Variants in SLC4A4 observed in about 807,000 individuals in gnomAD.
SLC4A4 encodes the protein electrogenic sodium bicarbonate cotransporter 1.
SLC4A4 carries 27 observed loss-of-function variants against 111.5 expected under a neutral mutation model. The observed-to-expected ratio is 0.24, with a 90% CI of 0.18 to 0.33. The LOEUF is 0.33. Among genes scored for constraint, SLC4A4 ranks in the 10% least tolerant of loss-of-function variants. The pLI, the probability that SLC4A4 is intolerant of heterozygous loss-of-function variation, is 1.00. For synonymous variants in SLC4A4, 443 were observed against 463.4 expected, an observed-to-expected ratio of 0.96 and a Z score of 0.57; for missense variants, 909 against 1,315.5, an observed-to-expected ratio of 0.69 and a Z score of 4.78.
At chr4:71,099,138 C>G (rs896294197) in intron 2 of SLC4A4, among the ~76,000 whole-genome samples, 19 of 152,266 alleles carry the variant, frequency 1.2e-4, no homozygotes, top group Admixed American at 1.2e-3. Context: ...CTCTCCACCC[C>G]TAAACAACAG....
chr4:71,156,727 T>A (rs1744490361), intron 2 of SLC4A4, among the ~76,000 whole-genome samples: 1 of 152,084 alleles, frequency 6.6e-6, no homozygotes, highest in Admixed American at 6.6e-5. Context: ...TTGAAACAAT[T>A]TGAGGCTTAC....
At chr4:71,468,574 T>G (rs1054880064) in intron 13 of SLC4A4, among the ~76,000 whole-genome samples, 2 of 152,048 alleles carry the variant, frequency 1.3e-5, no homozygotes, top group African/African-American at 4.8e-5. Context: ...ATCCATCACT[T>G]AGTAATATGT....
At chr4:71,354,639 G>T (rs1730123947) in intron 5 of SLC4A4, among the ~76,000 whole-genome samples, 1 of 151,822 alleles carries the variant, frequency 6.6e-6, no homozygotes, top group South Asian at 2.1e-4. Context: ...TCTGTCACAT[G>T]GCCATCATTC....
intron 16 of SLC4A4, among the ~76,000 whole-genome samples, chr4:71,511,630 T>C (rs908089458): frequency 6.6e-6 from 1 of 152,110 alleles, no homozygotes. Context: ...CAAAAGGTTA[T>C]AAGGGTATTA....
chr4:71,272,299 T>G (rs1722756452), intron 3 of SLC4A4, among the ~76,000 whole-genome samples: 1 of 152,198 alleles, frequency 6.6e-6, no homozygotes, highest in African/African-American at 2.4e-5. Context: ...TTGTTGTTAT[T>G]GAATATTAAG....
At chr4:71,268,279 C>G (rs1722449459) in intron 3 of SLC4A4, among the ~76,000 whole-genome samples, 2 of 152,066 alleles carry the variant, frequency 1.3e-5, no homozygotes, top group Non-Finnish European at 2.9e-5. Context: ...GCAATTCATT[C>G]TGGGTGAATA....
intron 1 of SLC4A4, among the ~76,000 whole-genome samples, chr4:71,088,313 G>T (rs1448391710): frequency 3.3e-5 from 5 of 151,656 alleles, no homozygotes; most frequent in Admixed American, 3.3e-4. Flanking sequence ...CACCTGAGGT[G>T]GGTTTCCTGA....
chr4:71,328,006 T>C (rs552820757), intron 3 of SLC4A4, among the ~76,000 whole-genome samples: 1 of 152,214 alleles, frequency 6.6e-6, no homozygotes, highest in African/African-American at 2.4e-5. Context: ...TAGTCTCTGG[T>C]AACCATCCTT....
chr4:71,323,104 G>A (rs1727244664), intron 3 of SLC4A4, among the ~76,000 whole-genome samples: 2 of 151,982 alleles, frequency 1.3e-5, no homozygotes, highest in Admixed American at 1.3e-4. Flanking sequence ...GTAAGGAAGT[G>A]TGTGGCACTA....
In SLC4A4 at chr4:71,066,544, A is replaced by G. The variant is rs74937592; in HGVS notation, c.-65+3756A>G. On this transcript the variant is annotated intron_variant, in intron 1 of 26. Coordinates refer to the SLC4A4 transcript ENST00000649996. ...AGAAAATAAGAAGTTTTTGATTCAT[A>G]CATAGCAGAAACAGTTCCAGAGAGG... 8.6e-3 allele frequency among the ~76,000 whole-genome samples: 1,317 copies of G among 152,316 alleles called. 20 individuals carry two copies. The highest frequency in any genetic ancestry group is 0.03 in the African/African-American group (1,245 of 41,564).
chr4:71,564,716 C>T (rs1737309483), intron 24 of SLC4A4, among the ~76,000 whole-genome samples: 1 of 151,900 alleles, frequency 6.6e-6, no homozygotes, highest in African/African-American at 2.4e-5. Context: ...ACAGTTAAGA[C>T]ACTTTTATTT....
chr4:71,469,295 T>C (rs529290125), intron 13 of SLC4A4, among the ~76,000 whole-genome samples: 1 of 151,972 alleles, frequency 6.6e-6, no homozygotes, highest in Non-Finnish European at 1.5e-5. Context: ...TCATTCAGTA[T>C]TTTTCCCTAT....
rs16846531 is a variant in SLC4A4 at position 71,533,815 on chromosome 4, G to C, written c.2281-412G>C. 2.7e-3 allele frequency among the ~76,000 whole-genome samples: 415 copies of C among 152,022 alleles called. 4 individuals are homozygous for C. The highest frequency in any genetic ancestry group is 9.8e-3 in the African/African-American group (405 of 41,490). ...ATTCATGGTGATTTGGTAATTTCTTGCTACCTTTTTACTGAATTTCTTGCT... is the reference window on the plus strand; with the variant it reads ...ATTCATGGTGATTTGGTAATTTCTTCCTACCTTTTTACTGAATTTCTTGCT... On this transcript the variant is annotated intron_variant, in intron 17 of 25. Coordinates refer to ENST00000264485, the MANE Select transcript of SLC4A4 (RefSeq NM_001098484.3).
chr4:71,520,852 G>T (rs368067550), intron 16 of SLC4A4, among the ~76,000 whole-genome samples: 2 of 151,668 alleles, frequency 1.3e-5, no homozygotes, highest in Non-Finnish European at 2.9e-5. Flanking sequence ...TTTTTGGGGG[G>T]GTGGCTAGGG....
At chr4:71,121,816 A>C (rs1041045841) in intron 2 of SLC4A4, among the ~76,000 whole-genome samples, 5 of 152,104 alleles carry the variant, frequency 3.3e-5, no homozygotes, top group African/African-American at 1.2e-4. Flanking sequence ...CTTTGCAATA[A>C]ATCTCGCTGC....
At chr4:71,272,133 A>T (rs1722746289) in intron 3 of SLC4A4, among the ~76,000 whole-genome samples, 1 of 152,196 alleles carries the variant, frequency 6.6e-6, no homozygotes, top group Admixed American at 6.5e-5. Context: ...TTTCTACTTT[A>T]TCCAAGGATA....
intron 24 of SLC4A4, among the ~76,000 whole-genome samples, chr4:71,565,348 G>A (rs548445601): frequency 9.7e-4 from 148 of 151,864 alleles, no homozygotes; most frequent in African/African-American, 3.4e-3. Context: ...CAGAGGGACC[G>A]ATGGTCTTTT....
At chr4:71,311,979 G>A (rs910882556) in intron 3 of SLC4A4, among the ~76,000 whole-genome samples, 19 of 150,094 alleles carry the variant, frequency 1.3e-4, no homozygotes, top group Non-Finnish European at 2.1e-4. Flanking sequence ...CAATGATTGC[G>A]GGAGCTGGTT....
At chr4:71,411,167 T>C (rs940227781) in intron 7 of SLC4A4, among the ~76,000 whole-genome samples, 2 of 152,100 alleles carry the variant, frequency 1.3e-5, no homozygotes, top group East Asian at 1.9e-4. Context: ...ATGTGCCAGG[T>C]TTTCTCCCGT....
Sources: gnomAD v4.1 joint callset for allele counts (sites outside exome capture counted in the v4.1 genomes callset) on GRCh38, gnomAD v4.1.1 for gene constraint, MANE v1.5 for transcripts, NCBI Gene and HGNC (gene_info 2026-07-23, HGNC 2026-07-21) for gene names.